PCLO: variants seen among roughly 807,000 people sequenced by gnomAD.
PCLO encodes the protein protein piccolo.
In PCLO, 82 loss-of-function variants were observed where a neutral mutation model predicts 427.5. That is an observed-to-expected ratio of 0.19 (90% CI 0.16 to 0.23). The LOEUF is 0.23. Among genes scored for constraint, PCLO ranks in the 10% least tolerant of loss-of-function variants. The pLI, the probability that PCLO is intolerant of heterozygous loss-of-function variation, is 1.00. For synonymous variants in PCLO, 2,357 were observed against 2,155.4 expected (o/e 1.09, Z -2.59); for missense variants, 6,239 against 6,115.9 (o/e 1.02, Z -0.67).
chr7:83,021,187 G>T (rs1371734676), intron 3 of PCLO, among the ~76,000 whole-genome samples: 1 of 152,002 alleles, frequency 6.6e-6, no homozygotes, highest in African/African-American at 2.4e-5. Context: ...AAAAACTTCA[G>T]CCCAGAACTC....
At chr7:83,006,420 T>G (rs1583899141) in intron 3 of PCLO, among the ~76,000 whole-genome samples, 1 of 151,606 alleles carries the variant, frequency 6.6e-6, no homozygotes, top group Admixed American at 6.6e-5. Flanking sequence ...TAATTTATTT[T>G]TATGGATTTG....
intron 3 of PCLO, among the ~76,000 whole-genome samples, chr7:83,086,444 A>G (rs1329145102): frequency 6.6e-6 from 1 of 152,036 alleles, no homozygotes; most frequent in Non-Finnish European, 1.5e-5. Flanking sequence ...AGGGGGTGAA[A>G]AACTTCCTTA....
rs544793204 is a variant in PCLO, at chr7:83,105,362, A to T, written c.3300+28888T>A. 3.3e-4 allele frequency among the ~76,000 whole-genome samples: 50 copies of T among 152,340 alleles called. No individual in the cohort carries two copies. The South Asian group carries it at 4.8e-3, about 15-fold the overall frequency. On this transcript the variant is annotated intron_variant, in intron 3 of 24. Coordinates refer to ENST00000333891, the MANE Select transcript of PCLO (RefSeq NM_033026.6). ...AAAGTCTAATTGCTACAGTAAGTCA[A>T]GTTTATGAAAAGATTTGGGATCATA... is the stretch of plus-strand genomic sequence containing the variant.
chr7:83,089,404 T>C (rs76627981), intron 3 of PCLO, among the ~76,000 whole-genome samples: 3,064 of 152,222 alleles, frequency 0.02, 120 homozygotes, highest in African/African-American at 0.071. Flanking sequence ...CTCATGCCTA[T>C]AGAACTCTGT....
intron 9 of PCLO, 134 bp downstream of exon 9, chr7:82,902,517 G>T: frequency 1.7e-6 from 1 of 573,440 alleles, no homozygotes; most frequent in South Asian, 2.0e-5. Context: ...CATGGCACAT[G>T]TATACATATG....
intron 9 of PCLO, among the ~76,000 whole-genome samples, chr7:82,895,003 T>TGG (rs1793866907): frequency 2.0e-5 from 3 of 152,052 alleles, no homozygotes; most frequent in African/African-American, 7.2e-5. Context: ...AGTAAAATCA[T>TGG]AGTCATACTT....
chr7:82,806,497 T>C (rs979959692), intron 20 of PCLO, among the ~76,000 whole-genome samples: 1 of 152,186 alleles, frequency 6.6e-6, no homozygotes, highest in Non-Finnish European at 1.5e-5. Context: ...ATACAGACAT[T>C]ACAAATTTGT....
intron 13 of PCLO, among the ~76,000 whole-genome samples, chr7:82,844,497 G>A (rs760950544): frequency 2.0e-5 from 3 of 152,006 alleles, no homozygotes. Flanking sequence ...TATTTTTTAT[G>A]TCTGGTCACT....
intron 10 of PCLO, among the ~76,000 whole-genome samples, chr7:82,856,579 G>T (rs576477283): frequency 6.6e-6 from 1 of 152,264 alleles, no homozygotes; most frequent in African/African-American, 2.4e-5. Context: ...AGTATAATTT[G>T]ATTGGCCCCT....
At chr7:83,092,299 G>A (rs1790397498) in intron 3 of PCLO, among the ~76,000 whole-genome samples, 1 of 152,112 alleles carries the variant, frequency 6.6e-6, no homozygotes, top group Non-Finnish European at 1.5e-5. Context: ...TACAAAACTT[G>A]AATCCACTGG....
chr7:83,156,275 C>T lies in PCLO; in HGVS notation c.366G>A (p.Glu122=), dbSNP rs576554373. The T allele has an allele frequency of 6.2e-6, 10 of 1,613,598 alleles. No individual in the cohort carries two copies. The South Asian group carries it at 1.1e-4, about 18-fold the overall frequency. Residue 122 remains glutamate (E), a synonymous_variant, in exon 2 of 25, where the codon GAG becomes GAA. Transcript: ENST00000333891. ...AAGGACTCCTCCCAGGCAATTTCTG[C>T]TCTGACCTGAAAGTGTCTGTAGTTC... is the stretch of plus-strand genomic sequence containing the variant. The part of the protein sequence containing the change: ...KSRTTDTFRS[E]QKLPGRSPST...
chr7:82,778,284 T>A (rs1342736751), intron 22 of PCLO, among the ~76,000 whole-genome samples: 1 of 152,182 alleles, frequency 6.6e-6, no homozygotes, highest in Non-Finnish European at 1.5e-5. Context: ...GGCAAGGTTG[T>A]GGAGAAAAGA....
chr7:83,053,013 A>G (rs980664443), intron 3 of PCLO, among the ~76,000 whole-genome samples: 1 of 151,992 alleles, frequency 6.6e-6, no homozygotes, highest in Non-Finnish European at 1.5e-5. Context: ...AATTCTTAAA[A>G]GGGTTTATAT....
intron 7 of PCLO, among the ~76,000 whole-genome samples, chr7:82,911,572 G>A (rs975692461): frequency 2.0e-5 from 3 of 151,830 alleles, no homozygotes; most frequent in Admixed American, 6.6e-5. Context: ...ATCAAATATC[G>A]GTGAAATATA....
intron 16 of PCLO, among the ~76,000 whole-genome samples, chr7:82,831,856 A>G (rs1178236287): frequency 1.3e-5 from 2 of 152,200 alleles, no homozygotes; most frequent in African/African-American, 4.8e-5. Context: ...CAGTTGTTTT[A>G]TAACTACCAT....
At chr7:83,073,877 T>C (rs924263844) in intron 3 of PCLO, among the ~76,000 whole-genome samples, 7 of 151,490 alleles carry the variant, frequency 4.6e-5, no homozygotes, top group African/African-American at 1.7e-4. Flanking sequence ...TCAAACTATA[T>C]GTGGAGATTC....
intron 10 of PCLO, among the ~76,000 whole-genome samples, chr7:82,862,392 G>A (rs1479554818): frequency 3.3e-5 from 5 of 151,722 alleles, no homozygotes; most frequent in Admixed American, 3.3e-4. Context: ...AGAGTTTGGA[G>A]GTTCCTCACA....
At chr7:82,986,336 A>C (rs1057196035) in intron 3 of PCLO, among the ~76,000 whole-genome samples, 3 of 111,464 alleles carry the variant, frequency 2.7e-5, no homozygotes, top group African/African-American at 9.7e-5. Flanking sequence ...ATATGCACCA[A>C]AACAAATTAG....
intron 3 of PCLO, among the ~76,000 whole-genome samples, chr7:83,096,425 A>C (rs564222812): frequency 6.6e-6 from 1 of 152,104 alleles, no homozygotes; most frequent in Non-Finnish European, 1.5e-5. Flanking sequence ...AAGTTATTTA[A>C]GTCTTCTAAC....
Sources: gnomAD v4.1 joint callset for allele counts (sites outside exome capture counted in the v4.1 genomes callset) on GRCh38, gnomAD v4.1.1 for gene constraint, MANE v1.5 for transcripts, NCBI Gene and HGNC (gene_info 2026-07-23, HGNC 2026-07-21) for gene names.